SCRG1: variants seen among roughly 807,000 people sequenced by gnomAD.
The protein encoded by SCRG1 is stimulator of chondrogenesis 1.
A neutral mutation model predicts 7.7 loss-of-function variants in SCRG1; 3 were observed. The observed-to-expected ratio is 0.39, with a 90% CI of 0.18 to 1.01. The LOEUF (loss-of-function observed/expected upper bound fraction) is 1.01. Ranked by LOEUF, SCRG1 falls within the 50% of genes least tolerant of loss-of-function variation. The pLI is 0.36. For missense variants in SCRG1, 110 were observed against 117.2 expected (o/e 0.94, Z 0.28); for synonymous variants, 46 against 41.2 (o/e 1.12, Z -0.44).
At chr4:173,467,285 T>G in the SCRG1 span, among the ~76,000 whole-genome samples, 4 of 152,154 alleles carry the variant, frequency 2.6e-5, no homozygotes, top group Admixed American at 2.6e-4. Flanking sequence ...TCATCTAGCT[T>G]TTTGGGATTG....
the SCRG1 span, among the ~76,000 whole-genome samples, chr4:173,413,280 GA>G: frequency 1.3e-5 from 2 of 152,190 alleles, no homozygotes; most frequent in Non-Finnish European, 2.9e-5. Flanking sequence ...CACCTAAGGT[GA>G]AAAAATTACT....
At chr4:173,462,082 GC>G in the SCRG1 span, among the ~76,000 whole-genome samples, 1 of 152,060 alleles carries the variant, frequency 6.6e-6, no homozygotes, top group Non-Finnish European at 1.5e-5. Flanking sequence ...CCTTAAAAGG[GC>G]AAATCTGTAA....
At chr4:173,410,782 A>G (rs1229122771), upstream of SCRG1, among the ~76,000 whole-genome samples, 2 of 152,258 alleles carry the variant, frequency 1.3e-5, no homozygotes, top group African/African-American at 2.4e-5. Flanking sequence ...TTTTTAAAAA[A>G]AACTATATAT....
At chr4:173,480,322 C>T in the SCRG1 span, among the ~76,000 whole-genome samples, 1 of 149,650 alleles carries the variant, frequency 6.7e-6, no homozygotes, top group Admixed American at 6.7e-5. Flanking sequence ...TAGTACAGTA[C>T]AAAAAAGTGA....
the SCRG1 span, among the ~76,000 whole-genome samples, chr4:173,441,828 A>G: frequency 1.3e-5 from 2 of 152,202 alleles, no homozygotes; most frequent in African/African-American, 4.8e-5. Flanking sequence ...GCAGTGAGCT[A>G]TGATCATGCC....
chr4:173,399,501 T>C (rs1338378420), upstream of SCRG1: 1 of 129,702 alleles, frequency 7.7e-6, no homozygotes, highest in Non-Finnish European at 1.8e-5. Flanking sequence ...TTTGTGTGTC[T>C]GTGTGTGAGA....
chr4:173,448,799 C>T, the SCRG1 span, among the ~76,000 whole-genome samples: 1 of 152,102 alleles, frequency 6.6e-6, no homozygotes, highest in African/African-American at 2.4e-5. Flanking sequence ...CACAGCTGCT[C>T]TGCAGTAGTT....
At chr4:173,470,568 CA>C in the SCRG1 span, among the ~76,000 whole-genome samples, 1 of 152,298 alleles carries the variant, frequency 6.6e-6, no homozygotes, top group South Asian at 2.1e-4. Context: ...AAATGTACTT[CA>C]TAAAGACATT....
At chr4:173,505,011 AAGAAG>A in the SCRG1 span, among the ~76,000 whole-genome samples, 1 of 152,242 alleles carries the variant, frequency 6.6e-6, no homozygotes, top group Non-Finnish European at 1.5e-5. The surrounding 1 kb of genome is among the most constrained non-coding windows in gnomAD (Gnocchi z 4.4). Context: ...ACTGTAACTG[AAGAAG>A]AGAAATCACC....
chr4:173,410,160 C>G (rs1195621387), upstream of SCRG1, among the ~76,000 whole-genome samples: 1 of 152,176 alleles, frequency 6.6e-6, no homozygotes, highest in Non-Finnish European at 1.5e-5. Flanking sequence ...GAGTCTGGCT[C>G]AGTGACAGGT....
At chr4:173,514,020 A>T in the SCRG1 span, among the ~76,000 whole-genome samples, 3 of 152,232 alleles carry the variant, frequency 2.0e-5, no homozygotes, top group Non-Finnish European at 4.4e-5. Flanking sequence ...TATTCCACAT[A>T]ATACCACATA....
At chr4:173,415,112 A>T in the SCRG1 span, among the ~76,000 whole-genome samples, 1 of 152,168 alleles carries the variant, frequency 6.6e-6, no homozygotes. Flanking sequence ...CAAATTGGAG[A>T]GTTGGCAGAA....
At chr4:173,457,569 C>T in the SCRG1 span, among the ~76,000 whole-genome samples, 1 of 152,346 alleles carries the variant, frequency 6.6e-6, no homozygotes, top group Middle Eastern at 3.4e-3. Context: ...CGAGAGGTGT[C>T]TGTCCCCGCA....
At chr4:173,430,020 A>G in the SCRG1 span, among the ~76,000 whole-genome samples, 1 of 152,062 alleles carries the variant, frequency 6.6e-6, no homozygotes, top group East Asian at 1.9e-4. Context: ...TTGTCAGTAT[A>G]ATTAACAATG....
At chr4:173,446,402 C>CG in the SCRG1 span, among the ~76,000 whole-genome samples, 1 of 150,318 alleles carries the variant, frequency 6.7e-6, no homozygotes, top group Admixed American at 6.6e-5. Flanking sequence ...CATGCACTCA[C>CG]GGGGGGAAAA....
At chr4:173,469,501 C>T in the SCRG1 span, 6 of 151,974 alleles carry the variant, frequency 3.9e-5, no homozygotes, top group African/African-American at 1.5e-4. Context: ...ATTAAATTGG[C>T]AAGATTTTAG....
At chr4:173,500,176 A>G in the SCRG1 span, among the ~76,000 whole-genome samples, 1 of 152,308 alleles carries the variant, frequency 6.6e-6, no homozygotes, top group Admixed American at 6.5e-5. Context: ...GTTCGGAAGT[A>G]AGTACTTTCC....
chr4:173,429,947 C>T, the SCRG1 span, among the ~76,000 whole-genome samples: 26 of 151,710 alleles, frequency 1.7e-4, 1 homozygote, highest in Middle Eastern at 0.024. Context: ...CTTTTAAATG[C>T]TACAAAGAAA....
the SCRG1 span, among the ~76,000 whole-genome samples, chr4:173,489,895 C>G: frequency 6.6e-6 from 1 of 152,112 alleles, no homozygotes; most frequent in Non-Finnish European, 1.5e-5. Context: ...AATGTATTCT[C>G]TTTTTATTCC....
Sources: allele counts gnomAD v4.1 joint callset (sites outside exome capture counted in the v4.1 genomes callset), GRCh38; gene constraint gnomAD v4.1.1; non-coding constraint Gnocchi (gnomAD v3.1); transcripts MANE v1.5; gene names NCBI Gene and HGNC (gene_info 2026-07-23, HGNC 2026-07-21).